The following GRHL2 variants were observed in gnomAD, a reference collection of about 807,000 sequenced individuals.
GRHL2 encodes the protein grainyhead like transcription factor 2.
GRHL2 carries 21 observed loss-of-function variants against 83.8 expected under a neutral mutation model. The ratio of observed to expected loss-of-function variants is 0.25; its 90% CI spans 0.18 to 0.36. The LOEUF (loss-of-function observed/expected upper bound fraction) is 0.36. Ranked by LOEUF, GRHL2 falls within the 10% of genes least tolerant of loss-of-function variation. GRHL2 has a pLI of 1.00. For missense variants in GRHL2, 623 were observed against 781.8 expected, an observed-to-expected ratio of 0.80 and a Z score of 2.42; for synonymous variants, 280 against 278.9, an observed-to-expected ratio of 1.00 and a Z score of -0.04.
At chr8:101,494,958 C>T (rs1005254883) in intron 1 of GRHL2, among the ~76,000 whole-genome samples, 1 of 152,196 alleles carries the variant, frequency 6.6e-6, no homozygotes, top group African/African-American at 2.4e-5. Flanking sequence ...GGAGATAATT[C>T]AACTGGTTTG....
At chr8:101,510,684 A>G (rs1247210139) in intron 1 of GRHL2, among the ~76,000 whole-genome samples, 2 of 152,206 alleles carry the variant, frequency 1.3e-5, no homozygotes, top group African/African-American at 4.8e-5. Flanking sequence ...CTTCCCTTTT[A>G]TATTTCTCTC....
At chr8:101,648,428 C>A (rs1443726516) in intron 13 of GRHL2, among the ~76,000 whole-genome samples, 1 of 152,194 alleles carries the variant, frequency 6.6e-6, no homozygotes, top group African/African-American at 2.4e-5. Flanking sequence ...GGCACTAGAA[C>A]CATGACAACT....
chr8:101,603,295 A>G (rs1177453625), intron 8 of GRHL2, among the ~76,000 whole-genome samples: 1 of 152,226 alleles, frequency 6.6e-6, no homozygotes, highest in East Asian at 1.9e-4. Context: ...ATGTTAAAGG[A>G]TAGCTTTTAT....
intron 14 of GRHL2, among the ~76,000 whole-genome samples, chr8:101,654,175 C>T (rs1458445049): frequency 6.6e-6 from 1 of 152,174 alleles, no homozygotes; most frequent in African/African-American, 2.4e-5. Context: ...CCAGGGCCAG[C>T]AGAATTCACA....
chr8:101,637,507 T>C (rs1362083634), intron 12 of GRHL2, among the ~76,000 whole-genome samples: 1 of 152,214 alleles, frequency 6.6e-6, no homozygotes, highest in African/African-American at 2.4e-5. Flanking sequence ...CTGAATGTGG[T>C]CCTGCAGGCT....
intron 1 of GRHL2, among the ~76,000 whole-genome samples, chr8:101,528,450 A>C (rs1810851895): frequency 6.6e-6 from 1 of 151,562 alleles, no homozygotes. Flanking sequence ...TTTAACTAAC[A>C]AGCAAAAAAT....
intron 1 of GRHL2, among the ~76,000 whole-genome samples, chr8:101,496,191 C>T (rs73277298): frequency 0.05 from 7,617 of 151,414 alleles, 303 homozygotes; most frequent in East Asian, 0.19. Flanking sequence ...ACTGCCTCTC[C>T]CTACTCATCG....
intron 14 of GRHL2, among the ~76,000 whole-genome samples, chr8:101,659,460 G>T (rs1343214431): frequency 6.6e-6 from 1 of 152,202 alleles, no homozygotes; most frequent in Non-Finnish European, 1.5e-5. Context: ...TGTGGAAGCA[G>T]GTTGTCCTTC....
chr8:101,595,760 C>A (rs1292445564), intron 7 of GRHL2, among the ~76,000 whole-genome samples: 2 of 118,558 alleles, frequency 1.7e-5, no homozygotes, highest in African/African-American at 5.1e-5. Flanking sequence ...AAACTGAATA[C>A]CCTAAGAAAA....
At chr8:101,578,343 G>A (rs956485216) in intron 7 of GRHL2, among the ~76,000 whole-genome samples, 2 of 152,122 alleles carry the variant, frequency 1.3e-5, no homozygotes, top group Non-Finnish European at 2.9e-5. Flanking sequence ...TGCTGCCAGA[G>A]ACATTCTCAG....
chr8:101,610,341 C>T (rs1300080611), intron 8 of GRHL2, among the ~76,000 whole-genome samples: 1 of 150,882 alleles, frequency 6.6e-6, no homozygotes, highest in Non-Finnish European at 1.5e-5. Context: ...GGAGAGAATC[C>T]AGCTGGAAGG....
intron 9 of GRHL2, among the ~76,000 whole-genome samples, chr8:101,629,307 T>C (rs1813138759): frequency 6.6e-6 from 1 of 150,970 alleles, no homozygotes; most frequent in Admixed American, 6.6e-5. Context: ...AGTGTGTATT[T>C]TTTTTTTTTT....
intron 7 of GRHL2, among the ~76,000 whole-genome samples, chr8:101,591,304 C>T (rs1169317100): frequency 6.6e-6 from 1 of 152,112 alleles, no homozygotes; most frequent in African/African-American, 2.4e-5. Flanking sequence ...CATCATTTCC[C>T]CAACACTGAC....
intron 1 of GRHL2, among the ~76,000 whole-genome samples, chr8:101,500,273 C>A (rs551899180): frequency 1.3e-5 from 2 of 152,152 alleles, no homozygotes; most frequent in Non-Finnish European, 2.9e-5. Context: ...TGCTTAGTAA[C>A]AACAACATGT....
intron 8 of GRHL2, among the ~76,000 whole-genome samples, chr8:101,611,588 T>C (rs559002240): frequency 1.3e-5 from 2 of 150,932 alleles, no homozygotes; most frequent in Admixed American, 6.6e-5. Context: ...CTCCCTTCCA[T>C]TGGTCTGGCC....
chr8:101,678,069 C>T, the GRHL2 span, among the ~76,000 whole-genome samples: 11 of 152,088 alleles, frequency 7.2e-5, no homozygotes, highest in African/African-American at 9.7e-5. Flanking sequence ...CGAAGACAAG[C>T]GAGGGAAGAG....
At chr8:101,512,283 A>T (rs1415691839) in intron 1 of GRHL2, among the ~76,000 whole-genome samples, 2 of 152,170 alleles carry the variant, frequency 1.3e-5, no homozygotes, top group African/African-American at 4.8e-5. Flanking sequence ...TCTTATTCAC[A>T]TCATGCATTC....
At chr8:101,677,962 C>T in the GRHL2 span, among the ~76,000 whole-genome samples, 1 of 152,162 alleles carries the variant, frequency 6.6e-6, no homozygotes, top group African/African-American at 2.4e-5. Context: ...TGATATTCTA[C>T]TGACTTACAA....
At chr8:101,509,147 TTC>T (rs1563556103) in intron 1 of GRHL2, among the ~76,000 whole-genome samples, 4 of 84,338 alleles carry the variant, frequency 4.7e-5, no homozygotes, top group East Asian at 2.3e-4. Flanking sequence ...CCTTCCTTCC[TTC>T]CTTCCTTCCT....
Sources: gnomAD v4.1 joint callset for allele counts (sites outside exome capture counted in the v4.1 genomes callset) on GRCh38, gnomAD v4.1.1 for gene constraint, MANE v1.5 for transcripts, NCBI Gene and HGNC (gene_info 2026-07-23, HGNC 2026-07-21) for gene names.